PLCB4: variants seen among roughly 807,000 people sequenced by gnomAD.
PLCB4 encodes 1-phosphatidylinositol 4,5-bisphosphate phosphodiesterase beta-4.
A neutral mutation model predicts 178.8 loss-of-function variants in PLCB4; 77 were observed. That is an observed-to-expected ratio of 0.43 (90% confidence interval 0.36 to 0.52). The LOEUF (loss-of-function observed/expected upper bound fraction) is 0.52, where lower values mean the gene tolerates loss of function less well. PLCB4 is among the 20% of genes least tolerant of loss of function. The probability of loss-of-function intolerance (pLI) is 0.00; values close to 1 mark genes in which losing one functional copy is unlikely to be tolerated. For synonymous variants in PLCB4, 496 were observed against 490.8 expected (o/e 1.01, Z -0.14); for missense variants, 1,024 against 1,453.4 (o/e 0.70, Z 4.80).
chr20:9,388,796 C>T (rs1360247762), intron 15 of PLCB4, among the ~76,000 whole-genome samples: 1 of 152,084 alleles, frequency 6.6e-6, no homozygotes, highest in Non-Finnish European at 1.5e-5. Flanking sequence ...AGAGTTTTGA[C>T]CAGCAATGAA....
chr20:9,195,850 A>G (rs1030173397), intron 2 of PLCB4, among the ~76,000 whole-genome samples: 1 of 152,120 alleles, frequency 6.6e-6, no homozygotes, highest in Admixed American at 6.5e-5. Flanking sequence ...CCTGACTAAT[A>G]CAGTCTCAGA....
chr20:9,334,232 C>G (rs1427777137), intron 4 of PLCB4, among the ~76,000 whole-genome samples: 1 of 152,120 alleles, frequency 6.6e-6, no homozygotes, highest in Non-Finnish European at 1.5e-5. Flanking sequence ...AATAATCAAA[C>G]TCTCAGAGAT....
intron 2 of PLCB4, among the ~76,000 whole-genome samples, chr20:9,107,599 G>A (rs983167783): frequency 1.3e-5 from 2 of 152,106 alleles, no homozygotes; most frequent in African/African-American, 4.8e-5. Context: ...CTGAAGAAGA[G>A]CAAGGAAGCC....
chr20:9,243,358 G>T (rs1444908640), intron 3 of PLCB4, among the ~76,000 whole-genome samples: 4 of 152,166 alleles, frequency 2.6e-5, no homozygotes, highest in Admixed American at 2.6e-4. Context: ...TAATCGAGAA[G>T]AAATTTATTT....
At chr20:9,383,826 T>C (rs147218969) in intron 13 of PLCB4, among the ~76,000 whole-genome samples, 1 of 152,202 alleles carries the variant, frequency 6.6e-6, no homozygotes, top group African/African-American at 2.4e-5. Context: ...TCCAGTCTTT[T>C]TCCCCAATTG....
intron 3 of PLCB4, among the ~76,000 whole-genome samples, chr20:9,289,539 A>T (rs2094562553): frequency 6.6e-6 from 1 of 152,118 alleles, no homozygotes; most frequent in South Asian, 2.1e-4. Context: ...GGAAAATTGG[A>T]AACTGATAGT....
chr20:9,415,715 G>T (rs2040195426), intron 25 of PLCB4, among the ~76,000 whole-genome samples: 1 of 152,200 alleles, frequency 6.6e-6, no homozygotes, highest in South Asian at 2.1e-4. Flanking sequence ...TATGTCATTT[G>T]CAGGGCCCAA....
At chr20:9,268,425 T>A (rs1029125729) in intron 3 of PLCB4, among the ~76,000 whole-genome samples, 2 of 152,200 alleles carry the variant, frequency 1.3e-5, no homozygotes, top group African/African-American at 4.8e-5. Context: ...AATTTCAAAG[T>A]ATCTCAAGTA....
At chr20:9,125,447 A>T (rs1345439580) in intron 2 of PLCB4, among the ~76,000 whole-genome samples, 1 of 152,116 alleles carries the variant, frequency 6.6e-6, no homozygotes, top group East Asian at 1.9e-4. Flanking sequence ...TTTAAATTTC[A>T]TTTTCTTCAC....
intron 2 of PLCB4, among the ~76,000 whole-genome samples, chr20:9,151,417 A>G (rs1174573428): frequency 1.3e-5 from 2 of 152,132 alleles, no homozygotes; most frequent in Non-Finnish European, 2.9e-5. Flanking sequence ...GAATTCCCAC[A>G]TGTGGTGGGA....
At chr20:9,108,016 C>T (rs2091432794) in intron 2 of PLCB4, among the ~76,000 whole-genome samples, 1 of 151,998 alleles carries the variant, frequency 6.6e-6, no homozygotes, top group African/African-American at 2.4e-5. Context: ...AAGGGGATTC[C>T]AAGGTTTTGT....
chr20:9,390,144 C>T (rs191508802), intron 16 of PLCB4, among the ~76,000 whole-genome samples, 186 bp downstream of exon 16: 292 of 152,194 alleles, frequency 1.9e-3, no homozygotes, highest in Non-Finnish European at 3.6e-3. Flanking sequence ...AAGGAAAAAA[C>T]GACAAAAAAC....
chr20:9,076,053 T>C (rs2089847055), intron 1 of PLCB4, among the ~76,000 whole-genome samples: 1 of 152,188 alleles, frequency 6.6e-6, no homozygotes, highest in Admixed American at 6.5e-5. Context: ...GATTTCAGAT[T>C]CTGAATTTCT....
chr20:9,149,601 G>A (rs2092657354), intron 2 of PLCB4, among the ~76,000 whole-genome samples: 1 of 151,522 alleles, frequency 6.6e-6, no homozygotes. Flanking sequence ...ACTCTTTTAA[G>A]CAATAGAGCA....
In PLCB4 at chr20:9,424,057, A is replaced by G; in HGVS notation, c.2524+105A>G. 3 of 743,792 alleles carry G rather than the reference A, an allele frequency of 4.0e-6. No homozygotes were observed. The South Asian group carries it at 5.2e-5, about 13-fold the overall frequency. The allele number at this position is 743,792 out of a possible 1,614,324, so 46.1% of individuals were successfully genotyped here. Reference sequence around the variant, plus strand: ...TTAAAAAACAATAAAAATACTGTCTATTCCTGCTAATGCTGCCAACCCTGA... The same window carrying G: ...TTAAAAAACAATAAAAATACTGTCTGTTCCTGCTAATGCTGCCAACCCTGA... On this transcript the variant is annotated intron_variant, in intron 28 of 39. Coordinates refer to ENST00000378473, the MANE Select transcript of PLCB4 (RefSeq NM_001377142.1).
At chr20:9,224,097 A>C (rs1191423943) in intron 3 of PLCB4, among the ~76,000 whole-genome samples, 1 of 152,216 alleles carries the variant, frequency 6.6e-6, no homozygotes. Flanking sequence ...CAAAGGGAAG[A>C]GACTTATGAG....
intron 22 of PLCB4, 140 bp from the exon 23 acceptor site, chr20:9,408,493 G>T (rs1450340883): frequency 4.6e-6 from 2 of 439,344 alleles, no homozygotes; most frequent in African/African-American, 7.7e-5. Flanking sequence ...GTCAATGAAA[G>T]TAGGAGCTAC....
intron 3 of PLCB4, among the ~76,000 whole-genome samples, chr20:9,272,713 G>A (rs915195937): frequency 6.6e-6 from 1 of 151,976 alleles, no homozygotes; most frequent in Admixed American, 6.6e-5. Context: ...TGCTCCCCAG[G>A]GTGGGGACGT....
intron 4 of PLCB4, among the ~76,000 whole-genome samples, chr20:9,310,119 T>A (rs2094813516): frequency 6.6e-6 from 1 of 152,138 alleles, no homozygotes; most frequent in South Asian, 2.1e-4. Context: ...AATAATTATT[T>A]CCCACTCCTA....
Sources: gnomAD v4.1 joint callset for allele counts (sites outside exome capture counted in the v4.1 genomes callset) on GRCh38, gnomAD v4.1.1 for gene constraint, MANE v1.5 for transcripts, NCBI Gene and HGNC (gene_info 2026-07-23, HGNC 2026-07-21) for gene names.